The following CNTN5 variants were observed in gnomAD, a reference collection of about 807,000 sequenced individuals.
The protein encoded by CNTN5 is contactin-5.
Under a neutral mutation model 129.1 loss-of-function variants are expected in CNTN5, and 77 were observed. That is an observed-to-expected ratio of 0.60 (90% CI 0.50 to 0.72). The LOEUF is 0.72. CNTN5 is among the 30% of genes least tolerant of loss of function. CNTN5 has a pLI of 0.00. For missense variants in CNTN5, 1,478 were observed against 1,328.8 expected, an observed-to-expected ratio of 1.11 and a Z score of -1.75; for synonymous variants, 509 against 465.6, an observed-to-expected ratio of 1.09 and a Z score of -1.20.
intron 4 of CNTN5, among the ~76,000 whole-genome samples, chr11:99,831,618 T>C (rs1043133295): frequency 6.6e-6 from 1 of 152,094 alleles, no homozygotes; most frequent in Non-Finnish European, 1.5e-5. Context: ...CCATAACTTT[T>C]TTTTTTGGTG....
At chr11:100,295,368 A>C (rs1186157885) in intron 18 of CNTN5, among the ~76,000 whole-genome samples, 1 of 151,516 alleles carries the variant, frequency 6.6e-6, no homozygotes, top group Non-Finnish European at 1.5e-5. Context: ...GAAGTGAATC[A>C]AATCATAGAA....
chr11:100,271,206 G>A lies in CNTN5; in HGVS notation c.2279G>A (p.Ser760Asn), dbSNP rs1219379467. 9 of 1,611,630 alleles carry A rather than the reference G, an allele frequency of 5.6e-6. No homozygotes were observed. The Admixed American group carries it at 6.8e-5, about 12-fold the overall frequency. Residue 760 changes from serine to asparagine, a missense_variant, in exon 18 of 25, where the codon AGC becomes AAC. By Grantham distance (46) the Ser-to-Asn change is conservative. Transcript: ENST00000524871. ...ATNPIGTGDP[S>N]TPSRMIRTNE... ...AACCCTATTGGGACAGGAGATCCAA[G>A]CACCCCATCTCGAATGATCCGCACA... is the stretch of plus-strand genomic sequence containing the variant.
chr11:100,077,579 G>T (rs1374757237), intron 13 of CNTN5, among the ~76,000 whole-genome samples: 1 of 152,010 alleles, frequency 6.6e-6, no homozygotes, highest in Non-Finnish European at 1.5e-5. Context: ...CCAGCACTTT[G>T]GGGGGCCAAG....
intron 21 of CNTN5, among the ~76,000 whole-genome samples, chr11:100,313,284 A>T (rs1951508301): frequency 6.6e-6 from 1 of 152,000 alleles, no homozygotes; most frequent in Non-Finnish European, 1.5e-5. Context: ...CCAAGCAAGA[A>T]ATGATGGTGA....
At chr11:99,326,187 G>T (rs895589222) in intron 2 of CNTN5, among the ~76,000 whole-genome samples, 1 of 152,122 alleles carries the variant, frequency 6.6e-6, no homozygotes, top group African/African-American at 2.4e-5. Context: ...ACGACTAAGT[G>T]GCACCAGTAG....
chr11:99,987,113 G>T (rs1938732133), intron 8 of CNTN5, among the ~76,000 whole-genome samples: 1 of 151,972 alleles, frequency 6.6e-6, no homozygotes, highest in Admixed American at 6.6e-5. Flanking sequence ...TACAAAAAAT[G>T]AAATATTCCC....
chr11:99,696,579 A>T lies in CNTN5; in HGVS notation c.56-122965A>T, dbSNP rs566577225. On this transcript the variant is annotated intron_variant, in intron 3 of 24. Coordinates refer to ENST00000524871, the MANE Select transcript of CNTN5 (RefSeq NM_014361.4). ...TATTTATGGAGGAATTGGCTATGTC[A>T]GTTATGGGATGAAGACTAGTAGTAC... 3.3e-5 allele frequency among the ~76,000 whole-genome samples: 5 copies of T among 152,016 alleles called. No homozygotes were observed. In the South Asian group the frequency reaches 1.0e-3, roughly 32 times the overall value.
At chr11:99,720,637 T>G (rs1397103881) in intron 3 of CNTN5, among the ~76,000 whole-genome samples, 1 of 151,974 alleles carries the variant, frequency 6.6e-6, no homozygotes, top group Non-Finnish European at 1.5e-5. Context: ...AACATAGTAT[T>G]GGACATCCTA....
chr11:100,305,219 G>A (rs1421750801), intron 20 of CNTN5, among the ~76,000 whole-genome samples: 2 of 151,496 alleles, frequency 1.3e-5, no homozygotes, highest in Non-Finnish European at 3.0e-5. Context: ...ACCTCTGTAC[G>A]TTTTACTTTT....
chr11:99,775,918 A>G (rs1175855572), intron 3 of CNTN5, among the ~76,000 whole-genome samples: 1 of 152,084 alleles, frequency 6.6e-6, no homozygotes, highest in African/African-American at 2.4e-5. Flanking sequence ...ACATTAGAAT[A>G]TGTGTTGGTT....
At chr11:100,017,536 T>C (rs1940893028) in intron 9 of CNTN5, among the ~76,000 whole-genome samples, 1 of 151,926 alleles carries the variant, frequency 6.6e-6, no homozygotes, top group South Asian at 2.1e-4. Flanking sequence ...TAGACTAAAA[T>C]TGGCATATAT....
At chr11:99,582,022 TG>T (rs1949619766) in intron 3 of CNTN5, among the ~76,000 whole-genome samples, 2 of 152,082 alleles carry the variant, frequency 1.3e-5, no homozygotes, top group African/African-American at 4.8e-5. Context: ...GCAGGCCTGG[TG>T]GTGACAAAAT....
intron 3 of CNTN5, among the ~76,000 whole-genome samples, chr11:99,561,081 G>A (rs903858262): frequency 2.0e-5 from 3 of 152,144 alleles, no homozygotes; most frequent in African/African-American, 7.2e-5. Context: ...AACCAGGGCT[G>A]TTTAGAGAGA....
rs1187748155 is a variant in CNTN5 at position 99,580,409 on chromosome 11, C to T, written c.55+24140C>T. Among the ~76,000 whole-genome samples, 5 of 152,158 alleles carry T rather than the reference C, an allele frequency of 3.3e-5. No individual in the cohort carries two copies. In the East Asian group the frequency reaches 7.7e-4, roughly 23 times the overall value. On this transcript the variant is annotated intron_variant, in intron 3 of 24. Coordinates refer to ENST00000524871, the MANE Select transcript of CNTN5 (RefSeq NM_014361.4). ...GGAATAGTTTCAGAAGGAATGGTAC[C>T]AGCTCTTCCTTGTACCTCTGGTAGA...
At chr11:99,836,431 T>C (rs1947310194) in intron 4 of CNTN5, among the ~76,000 whole-genome samples, 1 of 152,054 alleles carries the variant, frequency 6.6e-6, no homozygotes, top group South Asian at 2.1e-4. Flanking sequence ...CTGAGAATGA[T>C]GGTTTCCAGC....
chr11:100,333,426 A>AAC (rs1310588466), intron 21 of CNTN5, among the ~76,000 whole-genome samples: 1 of 150,642 alleles, frequency 6.6e-6, no homozygotes, highest in Non-Finnish European at 1.5e-5. Flanking sequence ...AAAAAAAAAA[A>AAC]AAAAAACACC....
chr11:99,997,260 T>A (rs1939515702), intron 8 of CNTN5, among the ~76,000 whole-genome samples: 2 of 152,332 alleles, frequency 1.3e-5, no homozygotes, highest in African/African-American at 4.8e-5. Flanking sequence ...TGATTTTAGT[T>A]ATATCTTGCC....
At chr11:99,718,238 A>G (rs1200263762) in intron 3 of CNTN5, among the ~76,000 whole-genome samples, 1 of 152,152 alleles carries the variant, frequency 6.6e-6, no homozygotes, top group Admixed American at 6.5e-5. Context: ...CATTTGTTAA[A>G]CCAAAAATAT....
At chr11:99,064,384 G>A (rs1229975690) in intron 1 of CNTN5, among the ~76,000 whole-genome samples, 1 of 152,098 alleles carries the variant, frequency 6.6e-6, no homozygotes, top group Non-Finnish European at 1.5e-5. Flanking sequence ...TTAATGAGCA[G>A]CATGTAGGGA....
Sources: allele counts gnomAD v4.1 joint callset (sites outside exome capture counted in the v4.1 genomes callset), GRCh38; gene constraint gnomAD v4.1.1; transcripts MANE v1.5; gene names NCBI Gene and HGNC (gene_info 2026-07-23, HGNC 2026-07-21).